The following PGR variants were observed in gnomAD, a reference collection of about 807,000 sequenced individuals.
PGR encodes the protein nuclear receptor subfamily 3 group C member 3.
PGR carries 25 observed loss-of-function variants against 76.1 expected under a neutral mutation model. The ratio of observed to expected loss-of-function variants is 0.33; its 90% CI spans 0.24 to 0.46. PGR has a LOEUF of 0.46. PGR is among the 20% of genes least tolerant of loss of function. The probability of loss-of-function intolerance (pLI) is 1.00; values close to 1 mark genes in which losing one functional copy is unlikely to be tolerated. For missense variants in PGR, 1,172 were observed against 1,225.3 expected, an observed-to-expected ratio of 0.96 and a Z score of 0.65; for synonymous variants, 579 against 535.0, an observed-to-expected ratio of 1.08 and a Z score of -1.14.
chr11:101,129,205 A>T lies in PGR; in HGVS notation c.-135T>A. On this transcript the variant is annotated 5_prime_UTR_variant, in exon 1 of 8. Coordinates refer to ENST00000325455, the MANE Select transcript of PGR (RefSeq NM_000926.4). Reference sequence around the variant, plus strand: ...ATGTGGCTGGACCGGAGGGATCTCCACCTCCTGGGTCGGGGGCGGGGGAGG... The same window carrying T: ...ATGTGGCTGGACCGGAGGGATCTCCTCCTCCTGGGTCGGGGGCGGGGGAGG... The T allele has an allele frequency of 9.3e-6, 1 of 107,318 alleles. No homozygotes were observed. Among genetic ancestry groups the T allele is most frequent in the Non-Finnish European group, 1.7e-5 (1 of 58,278 alleles). The allele number at this position is 107,318 out of a possible 1,614,324, so 6.6% of individuals were successfully genotyped here.
chr11:101,090,850 T>A (rs1861653780), intron 3 of PGR, among the ~76,000 whole-genome samples: 1 of 152,220 alleles, frequency 6.6e-6, no homozygotes, highest in Non-Finnish European at 1.5e-5. Context: ...ACAAATGAGG[T>A]GACAGTTGTA....
intron 2 of PGR, among the ~76,000 whole-genome samples, chr11:101,114,981 T>G (rs1862457392): frequency 6.6e-6 from 1 of 152,208 alleles, no homozygotes; most frequent in Admixed American, 6.5e-5. Flanking sequence ...TTCTTGACCT[T>G]CTGTTTTATA....
Position 101,034,793 on chromosome 11 carries a change from T to C in PGR, c.*4323A>G. 5.6e-6 allele frequency: 1 copy of C among 177,396 alleles called. No individual in the cohort carries two copies. Among genetic ancestry groups the C allele is most frequent in the Non-Finnish European group, 1.2e-5 (1 of 82,360 alleles). The allele number at this position is 177,396 out of a possible 1,614,324, so 11.0% of individuals were successfully genotyped here. A position where few individuals can be genotyped will look rare whatever the true frequency, so the allele number is the denominator to read the frequency against. ...ATCTGGCTTGGATTATATTTTATAATATGGGTGAAGAGTCAGTTGTTTTAC... is the reference window on the plus strand; with the variant it reads ...ATCTGGCTTGGATTATATTTTATAACATGGGTGAAGAGTCAGTTGTTTTAC... On this transcript the variant is annotated 3_prime_UTR_variant, in exon 8 of 8. Coordinates refer to ENST00000325455, the MANE Select transcript of PGR (RefSeq NM_000926.4).
chr11:101,040,843 T>C (rs1415081735), intron 7 of PGR, among the ~76,000 whole-genome samples: 1 of 152,056 alleles, frequency 6.6e-6, no homozygotes, highest in African/African-American at 2.4e-5. Flanking sequence ...TTTTCTCTAT[T>C]TTTTCTTCTG....
At chr11:101,055,086 G>T (rs935305179) in intron 4 of PGR, among the ~76,000 whole-genome samples, 1 of 152,052 alleles carries the variant, frequency 6.6e-6, no homozygotes, top group Non-Finnish European at 1.5e-5. Flanking sequence ...TTTTATGTGT[G>T]TTGTTATATA....
intron 4 of PGR, among the ~76,000 whole-genome samples, chr11:101,052,193 C>T (rs1860113655): frequency 6.6e-6 from 1 of 151,964 alleles, no homozygotes; most frequent in Non-Finnish European, 1.5e-5. Flanking sequence ...ATTCCACAGT[C>T]ATCAGGTCAC....
intron 5 of PGR, 98 bp from the exon 6 acceptor site, chr11:101,050,157 T>C (rs1166912850): frequency 2.5e-6 from 3 of 1,179,552 alleles, no homozygotes; most frequent in Non-Finnish European, 3.7e-6. Context: ...GTTTTGGTAA[T>C]TACCTTACAT....
At chr11:101,079,186 A>C (rs1861223459) in intron 3 of PGR, among the ~76,000 whole-genome samples, 2 of 152,194 alleles carry the variant, frequency 1.3e-5, no homozygotes, top group Non-Finnish European at 2.9e-5. Context: ...TACTACAAGA[A>C]AACTTTGGGG....
At position 101,038,015 on chromosome 11, in the gene PGR, G is replaced by C. The variant is rs1225569150; in HGVS notation, c.*1101C>G. ...GGAAGATTTTACAGAAATGACATTT[G>C]GCTGAGTCTCGAAGGTTGAAACATG... On this transcript the variant is annotated 3_prime_UTR_variant, in exon 8 of 8. Transcript: ENST00000325455. 1 of 209,110 alleles carries C rather than the reference G, an allele frequency of 4.8e-6. No individual in the cohort carries two copies. Among genetic ancestry groups the C allele is most frequent in the East Asian group, 7.1e-5 (1 of 14,024 alleles). 13.0% of individuals were successfully genotyped at this position (209,110 alleles called of 1,614,324 possible).
rs1020891178 is a variant in PGR, at chr11:101,128,730, A to C, written c.341T>G (p.Val114Gly). Residue 114 changes from valine to glycine, a missense_variant, in exon 1 of 8, where the codon GTC becomes GGC. By Grantham distance (109) the Val-to-Gly change is moderately radical. Coordinates refer to ENST00000325455, the MANE Select transcript of PGR (RefSeq NM_000926.4). ...TGAGGGCGCCAACAGAGTGTCCAAG[A>C]CACTGTCCAGCAGTCCGCTGTCCTT... ...PEKDSGLLDS[V>G]LDTLLAPSGP... is the part of the protein sequence containing the mutation. The C allele has an allele frequency of 1.9e-6, 3 of 1,612,706 alleles. No homozygotes were observed. The highest frequency in any genetic ancestry group is 2.5e-6 in the Non-Finnish European group (3 of 1,179,806).
intron 2 of PGR, among the ~76,000 whole-genome samples, chr11:101,116,726 C>A (rs948377290): frequency 3.3e-5 from 4 of 120,710 alleles, no homozygotes; most frequent in Admixed American, 3.3e-4. Flanking sequence ...GGTGACAGAG[C>A]TAGATTCCAC....
intron 2 of PGR, among the ~76,000 whole-genome samples, chr11:101,110,825 C>G (rs1862322059): frequency 6.6e-6 from 1 of 152,148 alleles, no homozygotes; most frequent in South Asian, 2.1e-4. Flanking sequence ...GAAATTGCCA[C>G]AGACACCCCA....
At chr11:101,087,234 A>G (rs934140863) in intron 3 of PGR, among the ~76,000 whole-genome samples, 1 of 152,218 alleles carries the variant, frequency 6.6e-6, no homozygotes, top group African/African-American at 2.4e-5. Context: ...GAGAGCAGAC[A>G]CATAGACCAA....
In PGR at chr11:101,062,347, G is replaced by T. The variant is rs1245279140; in HGVS notation, c.2212+100C>A. On this transcript the variant is annotated intron_variant, in intron 4 of 7. Transcript: ENST00000325455. ...ATACTATCACATACTGTTTTATATTGTAGTTAATTTACTGCATAGAGTGTT... is the reference window on the plus strand; with the variant it reads ...ATACTATCACATACTGTTTTATATTTTAGTTAATTTACTGCATAGAGTGTT... The T allele has an allele frequency of 1.5e-5, 13 of 877,350 alleles. No individual in the cohort carries two copies. In the Middle Eastern group the frequency reaches 1.9e-3, roughly 130 times the overall value. The allele number at this position is 877,350 out of a possible 1,614,324, so 54.3% of individuals were successfully genotyped here.
chr11:101,037,751 G>T lies in PGR; in HGVS notation c.*1365C>A, dbSNP rs941070280. ...AAGCATGGGAGAAGAAAGTGATAAA[G>T]TCATGGGTACAGAAATATGCAGAAA... On this transcript the variant is annotated 3_prime_UTR_variant, in exon 8 of 8. Coordinates refer to ENST00000325455, the MANE Select transcript of PGR (RefSeq NM_000926.4). The T allele has an allele frequency of 8.8e-6, 2 of 226,470 alleles. No homozygotes were observed. The highest frequency in any genetic ancestry group is 1.8e-5 in the Non-Finnish European group (2 of 113,874). 14.0% of individuals were successfully genotyped at this position (226,470 alleles called of 1,614,324 possible).
chr11:101,073,267 T>C (rs1301362914), intron 3 of PGR, among the ~76,000 whole-genome samples: 1 of 152,150 alleles, frequency 6.6e-6, no homozygotes, highest in Non-Finnish European at 1.5e-5. Context: ...ATAAGTTATT[T>C]GAAACCAATG....
chr11:101,040,034 G>A (rs1859645295), intron 7 of PGR, among the ~76,000 whole-genome samples: 1 of 151,958 alleles, frequency 6.6e-6, no homozygotes, highest in Non-Finnish European at 1.5e-5. Flanking sequence ...TCAATTTTTA[G>A]CTAAAGTCAA....
At chr11:101,082,247 CTG>C (rs1232127659) in intron 3 of PGR, among the ~76,000 whole-genome samples, 1 of 152,184 alleles carries the variant, frequency 6.6e-6, no homozygotes, top group Non-Finnish European at 1.5e-5. Flanking sequence ...GCCTGCAGAA[CTG>C]TGAGTCAGTT....
Position 101,129,041 on chromosome 11 carries a change from C to G in PGR, c.30G>C (p.Arg10=). The change falls in exon 1 of 8, where the codon CGG becomes CGC. Residue 10 remains arginine, a synonymous_variant. Coordinates refer to ENST00000325455, the MANE Select transcript of PGR (RefSeq NM_000926.4). The part of the protein sequence containing the change: MTELKAKGP[R]APHVAGGPPS... Reference sequence around the variant, plus strand: ...GCGGGCCGCCCGCCACGTGGGGAGCCCGGGGACCCTTTGCCTTCAGCTCAG... The same window carrying G: ...GCGGGCCGCCCGCCACGTGGGGAGCGCGGGGACCCTTTGCCTTCAGCTCAG... 2 of 1,563,746 alleles carry G rather than the reference C, an allele frequency of 1.3e-6. No individual in the cohort carries two copies. The highest frequency in any genetic ancestry group is 1.7e-6 in the Non-Finnish European group (2 of 1,154,674).
Sources: gnomAD v4.1 joint callset for allele counts (sites outside exome capture counted in the v4.1 genomes callset) on GRCh38, gnomAD v4.1.1 for gene constraint, MANE v1.5 for transcripts, NCBI Gene and HGNC (gene_info 2026-07-23, HGNC 2026-07-21) for gene names.